ZNF169: variants seen among roughly 807,000 people sequenced by gnomAD.
ZNF169 encodes zinc finger protein 169.
A neutral mutation model predicts 12.0 loss-of-function variants in ZNF169; 11 were observed. The ratio of observed to expected loss-of-function variants is 0.92; its 90% CI spans 0.58 to 1.52. The LOEUF (loss-of-function observed/expected upper bound fraction) is 1.52, where lower values mean the gene tolerates loss of function less well. Among genes scored for constraint, ZNF169 ranks in the 40% most tolerant of loss-of-function variants. ZNF169 has a pLI of 0.00. For missense variants in ZNF169, 722 were observed against 744.0 expected, an observed-to-expected ratio of 0.97 and a Z score of 0.34; for synonymous variants, 302 against 286.5, an observed-to-expected ratio of 1.05 and a Z score of -0.55.
At chr9:94,279,412 C>T (rs1298059588) in intron 2 of ZNF169, among the ~76,000 whole-genome samples, 3 of 149,390 alleles carry the variant, frequency 2.0e-5, no homozygotes, top group African/African-American at 7.4e-5. Context: ...TATAAGAAGG[C>T]TCTCAAAAGA....
intron 1 of ZNF169, among the ~76,000 whole-genome samples, chr9:94,263,618 G>A (rs1163251721): frequency 1.3e-5 from 2 of 151,510 alleles, no homozygotes; most frequent in African/African-American, 2.4e-5. Flanking sequence ...CCAACTCGTG[G>A]GCTTAAGCAA....
At chr9:94,266,578 T>A (rs1052022153) in intron 1 of ZNF169, among the ~76,000 whole-genome samples, 1 of 152,180 alleles carries the variant, frequency 6.6e-6, no homozygotes, top group Admixed American at 6.5e-5. Context: ...TCACAGGGCT[T>A]CAAGAAGGCA....
intron 1 of ZNF169, among the ~76,000 whole-genome samples, chr9:94,269,859 T>C (rs887222429): frequency 2.0e-5 from 3 of 152,174 alleles, no homozygotes; most frequent in Admixed American, 1.3e-4. Flanking sequence ...CCTGAAGACC[T>C]TCCTCTGGAG....
At position 94,293,056 on chromosome 9, in the gene ZNF169, G is replaced by A; in HGVS notation, c.243G>A (p.Leu81=). 1 of 1,613,066 alleles carries A rather than the reference G, an allele frequency of 6.2e-7. No homozygotes were observed. Among genetic ancestry groups the A allele is most frequent in the African/African-American group, 1.3e-5 (1 of 75,042 alleles). ...GGAGAGAGGAGAACGAACATCTTCT[G>A]GACCTTTGTCCAGGTGAGTGGGAAG... The part of the protein sequence containing the change: ...EPWREENEHL[L]DLCPEPRTEF... Residue 81 remains leucine, a synonymous_variant, in exon 4 of 5, where the codon CTG becomes CTA. Coordinates refer to ENST00000395395, the MANE Select transcript of ZNF169 (RefSeq NM_194320.4).
At chr9:94,280,292 G>A (rs1400200744) in intron 2 of ZNF169, among the ~76,000 whole-genome samples, 3 of 152,152 alleles carry the variant, frequency 2.0e-5, no homozygotes, top group East Asian at 3.9e-4. Context: ...GGCAGTTCAG[G>A]ATTTTTTTCC....
chr9:94,293,371 C>T (rs1472936259), intron 4 of ZNF169: 1 of 607,756 alleles, frequency 1.6e-6, no homozygotes, highest in Non-Finnish European at 2.9e-6. Flanking sequence ...ATCTTCAAAA[C>T]AGTACCTGTC....
In ZNF169 at chr9:94,279,760, T is replaced by C. The variant is rs534914612; in HGVS notation, c.33+915T>C. ...AACAGCCAGTGGTCTTTAGCCACAT[T>C]AGTTTTCTGTGTATAGGTGAGGGCT... On this transcript the variant is annotated intron_variant, in intron 2 of 4. Coordinates refer to ENST00000395395, the MANE Select transcript of ZNF169 (RefSeq NM_194320.4). Among the ~76,000 whole-genome samples, 8 of 152,334 alleles carry C rather than the reference T, an allele frequency of 5.3e-5. No homozygotes were observed. In the East Asian group the frequency reaches 1.3e-3, roughly 26 times the overall value.
chr9:94,265,120 A>G (rs1295230204), intron 1 of ZNF169, among the ~76,000 whole-genome samples: 1 of 151,086 alleles, frequency 6.6e-6, no homozygotes, highest in Non-Finnish European at 1.5e-5. Flanking sequence ...ACAGTCTTCA[A>G]AAATAGTTGT....
intron 4 of ZNF169, chr9:94,295,930 A>G (rs900686026): frequency 6.6e-6 from 1 of 152,234 alleles, no homozygotes; most frequent in African/African-American, 2.4e-5. Context: ...GATGGATACA[A>G]TATATATTCA....
At chr9:94,278,641 T>G in intron 1 of ZNF169, 117 bp from the exon 2 acceptor site, 1 of 575,478 alleles carries the variant, frequency 1.7e-6, no homozygotes. Context: ...CGATGCCCTC[T>G]GCAACCTGTC....
Position 94,300,197 on chromosome 9 carries a change from AC to A in ZNF169, c.640del (p.Arg214ValfsTer118), listed in dbSNP as rs925726966. 1 of 1,614,212 alleles carries A rather than the reference AC, an allele frequency of 6.2e-7. No homozygotes were observed. The highest frequency in any genetic ancestry group is 8.5e-7 in the Non-Finnish European group (1 of 1,180,036). On this transcript the variant is annotated frameshift_variant, in exon 5 of 5. Coordinates refer to ENST00000395395, the MANE Select transcript of ZNF169 (RefSeq NM_194320.4). LOFTEE classifies it low-confidence loss of function (END_TRUNC). The stretch of plus-strand genomic sequence containing the variant: ...ACACTTCAGAATCTGGAGCAGTCAT[AC>A]GTGGAAACTATAGACTGGGACTTAG... ...ADTSESGAVI[R>X]GNYRLGLSKK... is the part of the protein sequence containing the mutation.
intron 2 of ZNF169, chr9:94,287,996 A>G: frequency 2.5e-6 from 2 of 800,134 alleles, no homozygotes; most frequent in Non-Finnish European, 4.5e-6. Flanking sequence ...CTGTCCCATC[A>G]TTCACTTTAG....
At chr9:94,281,998 A>G (rs940526718) in intron 2 of ZNF169, among the ~76,000 whole-genome samples, 4 of 152,222 alleles carry the variant, frequency 2.6e-5, no homozygotes, top group African/African-American at 9.6e-5. Flanking sequence ...GAAGGAAGGA[A>G]GGAAAACAAA....
intron 1 of ZNF169, among the ~76,000 whole-genome samples, chr9:94,268,000 G>C (rs980674904): frequency 1.3e-5 from 2 of 151,686 alleles, no homozygotes; most frequent in Admixed American, 1.3e-4. Context: ...TGAGTAGCTG[G>C]GGTTACAGGC....
At position 94,299,930 on chromosome 9, in the gene ZNF169, T is replaced by C. The variant is rs749520803; in HGVS notation, c.372T>C (p.Ser124=). ...GHPTQIFPSS[S]AGGDFQLEAP... The stretch of plus-strand genomic sequence containing the variant: ...CCACACAGATCTTCCCAAGCTCATC[T>C]GCAGGAGGTGACTTCCAACTAGAAG... The change falls in exon 5 of 5, where the codon TCT becomes TCC. Residue 124 remains serine (S), a synonymous_variant. Transcript: ENST00000395395. 6.2e-7 allele frequency: 1 copy of C among 1,614,134 alleles called. No homozygotes were observed. The highest frequency in any genetic ancestry group is 1.1e-5 in the South Asian group (1 of 91,086).
At position 94,301,191 on chromosome 9, in the gene ZNF169, G is replaced by T; in HGVS notation, c.1633G>T (p.Asp545Tyr). ...THSGEKPCIC[D>Y]ECGRGFGFKS... is the part of the protein sequence containing the mutation. The stretch of plus-strand genomic sequence containing the variant: ...CTCAGGAGAGAAGCCCTGCATTTGC[G>T]ATGAATGTGGGCGCGGCTTTGGCTT... The change falls in exon 5 of 5, where the codon GAT becomes TAT. Residue 545 changes from aspartate to tyrosine, a missense_variant. Asp to Tyr is a radical substitution (Grantham distance 160). Coordinates refer to ENST00000395395, the MANE Select transcript of ZNF169 (RefSeq NM_194320.4). 6.2e-7 allele frequency: 1 copy of T among 1,613,820 alleles called. No homozygotes were observed. Among genetic ancestry groups the T allele is most frequent in the Non-Finnish European group, 8.5e-7 (1 of 1,179,948 alleles).
chr9:94,277,405 G>T (rs560855146), intron 1 of ZNF169, among the ~76,000 whole-genome samples: 1 of 152,170 alleles, frequency 6.6e-6, no homozygotes, highest in African/African-American at 2.4e-5. Context: ...GGGGAAAGGG[G>T]ATTCTCTATA....
chr9:94,287,810 G>A, intron 2 of ZNF169: 1 of 1,176,146 alleles, frequency 8.5e-7, no homozygotes, highest in African/African-American at 1.5e-5. Flanking sequence ...GGGTTTGATT[G>A]TATCCTAAAC....
At chr9:94,296,550 T>G (rs990697306) in intron 4 of ZNF169, among the ~76,000 whole-genome samples, 6 of 152,206 alleles carry the variant, frequency 3.9e-5, no homozygotes, top group Non-Finnish European at 7.3e-5. Flanking sequence ...AGATCTGAAT[T>G]TATGTACTTT....
Sources: allele counts gnomAD v4.1 joint callset (sites outside exome capture counted in the v4.1 genomes callset), GRCh38; gene constraint gnomAD v4.1.1; transcripts MANE v1.5; gene names NCBI Gene and HGNC (gene_info 2026-07-23, HGNC 2026-07-21).